The following RCC2 variants were observed in gnomAD, a reference collection of about 807,000 sequenced individuals.
RCC2 encodes protein RCC2.
In RCC2, 19 loss-of-function variants were observed where a neutral mutation model predicts 64.1. The ratio of observed to expected loss-of-function variants is 0.30; its 90% CI spans 0.21 to 0.44. RCC2 has a LOEUF of 0.44. Ranked by LOEUF, RCC2 falls within the 20% of genes least tolerant of loss-of-function variation. RCC2 has a pLI of 1.00. For missense variants in RCC2, 508 were observed against 710.4 expected, an observed-to-expected ratio of 0.72 and a Z score of 3.24; for synonymous variants, 325 against 279.6, an observed-to-expected ratio of 1.16 and a Z score of -1.62.
Position 17,425,665 on chromosome 1 carries a change from A to T in RCC2, c.399T>A (p.Gly133=). 1 of 1,612,578 alleles carries T rather than the reference A, an allele frequency of 6.2e-7. No homozygotes were observed. Among genetic ancestry groups the T allele is most frequent in the Non-Finnish European group, 8.5e-7 (1 of 1,178,860 alleles). The change falls in exon 4 of 13, where the codon GGT becomes GGA. Residue 133 remains glycine (G), a synonymous_variant. Coordinates refer to ENST00000375436, the MANE Select transcript of RCC2 (RefSeq NM_018715.4). ...ATCTGTGGGGCCCCCACAAATTCTG[A>T]CCGAGATTGCGGTAAGCAGCTGCAG... The part of the protein sequence containing the change: ...PKQQAAYRNL[G]QNLWGPHRYG...
chr1:17,433,812 C>G (rs536935978), intron 2 of RCC2, among the ~76,000 whole-genome samples: 1 of 152,156 alleles, frequency 6.6e-6, no homozygotes, highest in Admixed American at 6.5e-5. Context: ...TAACATAGGT[C>G]CATGTAGAAG....
rs193197637 is a variant in RCC2, at chr1:17,434,564, A to C, written c.285+3666T>G. Among the ~76,000 whole-genome samples, 410 of 152,236 alleles carry C rather than the reference A, an allele frequency of 2.7e-3. 5 individuals are homozygous for C. The highest frequency in any genetic ancestry group is 2.4e-3 in the Non-Finnish European group (161 of 68,022). On this transcript the variant is annotated intron_variant, in intron 2 of 12. Coordinates refer to ENST00000375436, the MANE Select transcript of RCC2 (RefSeq NM_018715.4). ...TTCTGTGAGCCATTCCAATAAATTAATCGACCCCAAAGAGGGGGTCATGAG... is the reference window on the plus strand; with the variant it reads ...TTCTGTGAGCCATTCCAATAAATTACTCGACCCCAAAGAGGGGGTCATGAG...
intron 8 of RCC2, among the ~76,000 whole-genome samples, chr1:17,414,597 A>C (rs1156380005): frequency 1.3e-5 from 2 of 151,884 alleles, no homozygotes; most frequent in Non-Finnish European, 2.9e-5. Flanking sequence ...AATTGCAGAA[A>C]GAACAGAAAA....
At chr1:17,433,142 T>G (rs2075700865) in intron 2 of RCC2, among the ~76,000 whole-genome samples, 1 of 152,198 alleles carries the variant, frequency 6.6e-6, no homozygotes, top group African/African-American at 2.4e-5. Flanking sequence ...ATGAAGGACA[T>G]TAACTGTTAT....
chr1:17,426,911 T>C (rs555809366), intron 3 of RCC2, among the ~76,000 whole-genome samples: 1 of 152,132 alleles, frequency 6.6e-6, no homozygotes, highest in South Asian at 2.1e-4. Flanking sequence ...TACAGGCGTG[T>C]GCCATCACAC....
intron 7 of RCC2, 33 bp downstream of exon 7, chr1:17,420,681 A>T: frequency 7.2e-7 from 1 of 1,383,032 alleles, no homozygotes; most frequent in Non-Finnish European, 1.0e-6. Flanking sequence ...ATACAGTTAG[A>T]TTACAGAGCT....
intron 1 of RCC2, 144 bp from the exon 2 acceptor site, chr1:17,438,666 G>A: frequency 2.6e-6 from 2 of 780,254 alleles, no homozygotes; most frequent in South Asian, 6.5e-5. Context: ...GAGAGGGGGC[G>A]AGTTGGGAGA....
chr1:17,424,897 C>T (rs535317052), intron 4 of RCC2, among the ~76,000 whole-genome samples: 1 of 152,274 alleles, frequency 6.6e-6, no homozygotes, highest in East Asian at 1.9e-4. Context: ...GTGCCGTGGA[C>T]AGAGGCTAAC....
In RCC2 at chr1:17,413,686, G is replaced by C; in HGVS notation, c.1058C>G (p.Ser353Cys). ...CCGGCCATAGCCACCAAAGCCCCAG[G>C]AGAAGACTCGCTTCTGGGAGTCCAG... is the stretch of plus-strand genomic sequence containing the variant. ...LVLDSQKRVFSWGFGGYGRLG... is the reference protein window; with the variant it reads ...LVLDSQKRVFCWGFGGYGRLG... Residue 353 changes from serine to cysteine, a missense_variant, in exon 9 of 13, where the codon TCC becomes TGC. Physicochemically the swap from Ser to Cys is moderately radical, Grantham distance 112. Around this residue, in one of 4 missense-constraint regions of RCC2, gnomAD observed 179 missense variants for 322.0 expected, o/e 0.56. Coordinates refer to ENST00000375436, the MANE Select transcript of RCC2 (RefSeq NM_018715.4). 1 of 1,613,798 alleles carries C rather than the reference G, an allele frequency of 6.2e-7. No homozygotes were observed. The highest frequency in any genetic ancestry group is 8.5e-7 in the Non-Finnish European group (1 of 1,179,874).
intron 2 of RCC2, among the ~76,000 whole-genome samples, chr1:17,433,297 A>G (rs1243918658): frequency 6.6e-6 from 1 of 152,238 alleles, no homozygotes; most frequent in Non-Finnish European, 1.5e-5. Context: ...TGGAATTAAC[A>G]TTTAAATAGA....
rs752935764 is a variant in RCC2 at position 17,438,478 on chromosome 1, C to T, written c.37G>A (p.Glu13Lys). 2 of 1,341,694 alleles carry T rather than the reference C, an allele frequency of 1.5e-6. No individual in the cohort carries two copies. Among genetic ancestry groups the T allele is most frequent in the South Asian group, 2.1e-5 (1 of 47,518 alleles). 83.1% of individuals were successfully genotyped at this position (1,341,694 alleles called of 1,614,324 possible). The part of the protein sequence containing the change: ...RKKAAAAAWE[E>K]PSSGNGTARA... Reference sequence around the variant, plus strand: ...GCAGTGCCGTTGCCCGAGCTCGGCTCCTCCCAGGCCGCCGCCGCCGCCTTC... The same window carrying T: ...GCAGTGCCGTTGCCCGAGCTCGGCTTCTCCCAGGCCGCCGCCGCCGCCTTC... Residue 13 changes from glutamate (E) to lysine (K), a missense_variant, in exon 2 of 13, where the codon GAG (glutamate) becomes AAG (lysine). This residue lies in a region of RCC2 where 195 missense variants were observed against 158.3 expected (regional missense o/e 1.23). Transcript: ENST00000375436.
At chr1:17,432,954 T>C (rs1319336595) in intron 2 of RCC2, among the ~76,000 whole-genome samples, 1 of 151,384 alleles carries the variant, frequency 6.6e-6, no homozygotes, top group Non-Finnish European at 1.5e-5. Context: ...CGAGACTCCA[T>C]CTTAAAAAAA....
Position 17,408,614 on chromosome 1 carries a change from T to C in RCC2, c.*476A>G, listed in dbSNP as rs185752388. 1 of 159,728 alleles carries C rather than the reference T, an allele frequency of 6.3e-6. No individual in the cohort carries two copies. 9.9% of individuals were successfully genotyped at this position (159,728 alleles called of 1,614,324 possible). A position where few individuals can be genotyped will look rare whatever the true frequency, so the allele number is the denominator to read the frequency against. On this transcript the variant is annotated 3_prime_UTR_variant, in exon 13 of 13. Coordinates refer to ENST00000375436, the MANE Select transcript of RCC2 (RefSeq NM_018715.4). Reference sequence around the variant, plus strand: ...GCTTCCGAAGCACGCGAGCGTGATTTTGGATGGAGGCGGGCCGGTGACTGC... The same window carrying C: ...GCTTCCGAAGCACGCGAGCGTGATTCTGGATGGAGGCGGGCCGGTGACTGC...
intron 11 of RCC2, among the ~76,000 whole-genome samples, chr1:17,411,118 T>C (rs776368437): frequency 6.6e-6 from 1 of 152,070 alleles, no homozygotes; most frequent in Non-Finnish European, 1.5e-5. Flanking sequence ...CAAGAGTACC[T>C]TGCAACCACA....
intron 8 of RCC2, among the ~76,000 whole-genome samples, chr1:17,413,942 C>G: frequency 6.6e-6 from 1 of 151,974 alleles, no homozygotes; most frequent in Non-Finnish European, 1.5e-5. Flanking sequence ...ACCAGCCTGG[C>G]CAACATGGTG....
intron 6 of RCC2, 135 bp downstream of exon 6, chr1:17,422,068 C>T (rs2075561975): frequency 1.7e-6 from 1 of 576,130 alleles, no homozygotes. Context: ...AAAAACTCTA[C>T]AGCATGTAAC....
chr1:17,421,065 CT>C, intron 6 of RCC2, among the ~76,000 whole-genome samples: 1 of 152,148 alleles, frequency 6.6e-6, no homozygotes, highest in Non-Finnish European at 1.5e-5. Context: ...TAGCCACTGT[CT>C]CTTTAAGATC....
At chr1:17,435,538 TG>T (rs1267007269) in intron 2 of RCC2, among the ~76,000 whole-genome samples, 3 of 152,232 alleles carry the variant, frequency 2.0e-5, no homozygotes, top group African/African-American at 7.2e-5. Context: ...CCAGGGAGAC[TG>T]GGCAGGAGGC....
intron 7 of RCC2, 68 bp from the exon 8 acceptor site, chr1:17,416,714 C>A: frequency 6.6e-7 from 1 of 1,516,122 alleles, no homozygotes; most frequent in Non-Finnish European, 8.9e-7. Flanking sequence ...TGTGCTCACA[C>A]GGACTCTGTA....
Sources: allele counts gnomAD v4.1 joint callset (sites outside exome capture counted in the v4.1 genomes callset), GRCh38; gene constraint gnomAD v4.1.1; regional missense constraint gnomAD v4.1.1; transcripts MANE v1.5; gene names NCBI Gene and HGNC (gene_info 2026-07-23, HGNC 2026-07-21).